Variants in MAK16 observed in about 807,000 individuals in gnomAD.
MAK16 encodes protein MAK16 homolog.
In MAK16, 12 loss-of-function variants were observed where a neutral mutation model predicts 49.9. The ratio of observed to expected loss-of-function variants is 0.24; its 90% CI spans 0.15 to 0.39. MAK16 has a LOEUF of 0.39. Ranked by LOEUF, MAK16 falls within the 10% of genes least tolerant of loss-of-function variation. MAK16 has a pLI of 1.00. For missense variants in MAK16, 292 were observed against 363.7 expected (o/e 0.80, Z 1.60); for synonymous variants, 115 against 126.4 (o/e 0.91, Z 0.60).
Position 33,498,680 on chromosome 8 carries a change from T to TG in MAK16, c.*51_*52insG, listed in dbSNP as rs1808938810. On this transcript the variant is annotated 3_prime_UTR_variant, in exon 10 of 10. Coordinates refer to ENST00000360128, the MANE Select transcript of MAK16 (RefSeq NM_032509.4). ...GACTGAACATGCAGAACTGTTTTTTTTTTTTTTTTATCTTAAACACATACA... is the reference window on the plus strand; with the variant it reads ...GACTGAACATGCAGAACTGTTTTTTTGTTTTTTTTTATCTTAAACACATACA... 6.5e-7 allele frequency: 1 copy of TG among 1,528,050 alleles called. No homozygotes were observed. The highest frequency in any genetic ancestry group is 8.9e-7 in the Non-Finnish European group (1 of 1,125,772). 94.7% of individuals were successfully genotyped at this position (1,528,050 alleles called of 1,614,324 possible).
intron 6 of MAK16, 120 bp from the exon 7 acceptor site, chr8:33,495,422 G>A (rs571053532): frequency 3.7e-6 from 3 of 801,664 alleles, no homozygotes; most frequent in Middle Eastern, 2.4e-4. Flanking sequence ...GCCAGTATTA[G>A]CAAGGAGGGG....
rs1460688251 is a variant in MAK16 at position 33,498,916 on chromosome 8, T to TA, written c.*290dup. The TA allele has an allele frequency of 1.7e-6, 1 of 577,482 alleles. No individual in the cohort carries two copies. 35.8% of individuals were successfully genotyped at this position (577,482 alleles called of 1,614,324 possible). A position where few individuals can be genotyped will look rare whatever the true frequency, so the allele number is the denominator to read the frequency against. The stretch of plus-strand genomic sequence containing the variant: ...TGAATCTGGGATGAGATGACGGATG[T>TA]AAATATTTCTAAATTTTAAATGCTA... On this transcript the variant is annotated 3_prime_UTR_variant, in exon 10 of 10. Coordinates refer to ENST00000360128, the MANE Select transcript of MAK16 (RefSeq NM_032509.4).
Position 33,501,234 on chromosome 8 carries a change from A to G in MAK16, c.*2605A>G, listed in dbSNP as rs377764086. ...TTACAATGTGAAAATACAATGTGAA[A>G]TGTACAATAAATCATATTTATGGAC... is the stretch of plus-strand genomic sequence containing the variant. On this transcript the variant is annotated 3_prime_UTR_variant, in exon 10 of 10. Coordinates refer to ENST00000360128, the MANE Select transcript of MAK16 (RefSeq NM_032509.4). 6.6e-5 allele frequency: 10 copies of G among 152,236 alleles called. No homozygotes were observed. The highest frequency in any genetic ancestry group is 2.4e-4 in the African/African-American group (10 of 41,458). 9.4% of individuals were successfully genotyped at this position (152,236 alleles called of 1,614,324 possible).
intron 8 of MAK16, 32 bp from the exon 9 acceptor site, chr8:33,497,200 T>C: frequency 6.6e-7 from 1 of 1,505,534 alleles, no homozygotes. Flanking sequence ...TCATTATGTA[T>C]TCTGAACCTA....
intron 8 of MAK16, 152 bp from the exon 9 acceptor site, chr8:33,497,080 A>T (rs1480291067): frequency 6.9e-6 from 4 of 579,106 alleles, no homozygotes; most frequent in African/African-American, 5.7e-5. Flanking sequence ...TAAAATTTTT[A>T]AAATTCAGAA....
rs1187433754 is a variant in MAK16 at position 33,497,263 on chromosome 8, G to A, written c.671G>A (p.Gly224Asp). Residue 224 changes from glycine to aspartate, a missense_variant, in exon 9 of 10, where the codon GGT (glycine) becomes GAT (aspartate). Coordinates refer to ENST00000360128, the MANE Select transcript of MAK16 (RefSeq NM_032509.4). ...DVGKREFVED[G>D]EVDESDISDF... is the part of the protein sequence containing the mutation. ...GGGAAAAGAGAATTTGTCGAAGATG[G>A]TGAGGTAGATGAGAGTGACATAAGT... The A allele has an allele frequency of 1.2e-6, 2 of 1,611,750 alleles. No homozygotes were observed. Among genetic ancestry groups the A allele is most frequent in the East Asian group, 2.2e-5 (1 of 44,790 alleles).
chr8:33,495,471 T>C (rs1808842130), intron 6 of MAK16, 71 bp from the exon 7 acceptor site: 1 of 1,300,116 alleles, frequency 7.7e-7, no homozygotes, highest in African/African-American at 1.5e-5. Context: ...AACTTGGTAG[T>C]TTCTTCCATT....
At chr8:33,492,771 C>T (rs1808797592) in intron 6 of MAK16, among the ~76,000 whole-genome samples, 1 of 151,870 alleles carries the variant, frequency 6.6e-6, no homozygotes, top group African/African-American at 2.4e-5. Context: ...GTTCTTATGC[C>T]ATTACTATAG....
chr8:33,496,887 T>C (rs1196347037), intron 8 of MAK16, 146 bp downstream of exon 8: 4 of 631,900 alleles, frequency 6.3e-6, no homozygotes, highest in Non-Finnish European at 1.1e-5. Context: ...CACTGGTTGC[T>C]CTGTTCTTCA....
At chr8:33,495,176 A>C (rs1377745822) in intron 6 of MAK16, among the ~76,000 whole-genome samples, 1 of 148,612 alleles carries the variant, frequency 6.7e-6, no homozygotes, top group Non-Finnish European at 1.5e-5. Flanking sequence ...AATGTAAACG[A>C]ATGAAGATTT....
At chr8:33,491,627 CTTTTT>C (rs554026888) in intron 6 of MAK16, among the ~76,000 whole-genome samples, 1 of 89,888 alleles carries the variant, frequency 1.1e-5, no homozygotes, top group Non-Finnish European at 2.0e-5. Context: ...CTGCCCCCTG[CTTTTT>C]TTTTTTTTTT....
rs1237366848 is a variant in MAK16, at chr8:33,497,352, A to C, written c.705+55A>C. The C allele has an allele frequency of 1.1e-4, 88 of 817,702 alleles. 1 individual carries two copies. Among genetic ancestry groups the C allele is most frequent in the Non-Finnish European group, 1.4e-4 (76 of 555,234 alleles). The allele number at this position is 817,702 out of a possible 1,614,324, so 50.7% of individuals were successfully genotyped here. A position where few individuals can be genotyped will look rare whatever the true frequency, so the allele number is the denominator to read the frequency against. ...TTGGCCTGCAGCAAAAAAAAAAAAA[A>C]AACAAAAACAGGGAGGTGGCCAGGC... On this transcript the variant is annotated intron_variant, in intron 9 of 9. Transcript: ENST00000360128.
chr8:33,488,576 G>A lies in MAK16; in HGVS notation c.122G>A (p.Arg41Gln). 3 of 1,614,038 alleles carry A rather than the reference G, an allele frequency of 1.9e-6. No homozygotes were observed. Among genetic ancestry groups the A allele is most frequent in the African/African-American group, 1.3e-5 (1 of 74,996 alleles). The stretch of plus-strand genomic sequence containing the variant: ...TATAGCCTGACTGGACTGTGTAATC[G>A]GTCATCCTGTCCCCTGGCAAATAGT... ...NEYSLTGLCN[R>Q]SSCPLANSQY... is the part of the protein sequence containing the mutation. Residue 41 changes from arginine (R) to glutamine (Q), a missense_variant, in exon 3 of 10, where the codon CGG becomes CAG. Physicochemically the swap from Arg to Gln is conservative, Grantham distance 43. Coordinates refer to ENST00000360128, the MANE Select transcript of MAK16 (RefSeq NM_032509.4).
rs1487026719 is a variant in MAK16 at position 33,500,390 on chromosome 8, G to A, written c.*1761G>A. 3 of 1,614,144 alleles carry A rather than the reference G, an allele frequency of 1.9e-6. No homozygotes were observed. Among genetic ancestry groups the A allele is most frequent in the Non-Finnish European group, 2.5e-6 (3 of 1,180,018 alleles). Reference sequence around the variant, plus strand: ...AGGCAGTCTGTGGCCTCCTGTAGCAGGGCGCTCTTAACAGACTCAGGTGTA... The same window carrying A: ...AGGCAGTCTGTGGCCTCCTGTAGCAAGGCGCTCTTAACAGACTCAGGTGTA... On this transcript the variant is annotated 3_prime_UTR_variant, in exon 10 of 10. Coordinates refer to ENST00000360128, the MANE Select transcript of MAK16 (RefSeq NM_032509.4).
At position 33,500,739 on chromosome 8, in the gene MAK16, G is replaced by A; in HGVS notation, c.*2110G>A. The A allele has an allele frequency of 2.2e-6, 1 of 448,288 alleles. No individual in the cohort carries two copies. 27.8% of individuals were successfully genotyped at this position (448,288 alleles called of 1,614,324 possible). On this transcript the variant is annotated 3_prime_UTR_variant, in exon 10 of 10. Transcript: ENST00000360128. ...CCACACTGCTCTCTTCCTTCCAGAAGCTTGGTTCTACTGTAAGCAACAGCT... is the reference window on the plus strand; with the variant it reads ...CCACACTGCTCTCTTCCTTCCAGAAACTTGGTTCTACTGTAAGCAACAGCT...
At chr8:33,491,831 A>G (rs1345487193) in intron 6 of MAK16, among the ~76,000 whole-genome samples, 1 of 150,134 alleles carries the variant, frequency 6.7e-6, no homozygotes, top group Non-Finnish European at 1.5e-5. Context: ...ACGAGGCTTC[A>G]CTATGTTGCC....
intron 9 of MAK16, 117 bp downstream of exon 9, chr8:33,497,414 G>T (rs1808887307): frequency 1.5e-6 from 1 of 688,196 alleles, no homozygotes; most frequent in Non-Finnish European, 2.5e-6. Context: ...CACTTTGGGA[G>T]GCCAAAATGG....
At chr8:33,498,351 C>A (rs2128825420) in intron 9 of MAK16, 81 bp from the exon 10 acceptor site, 2 of 1,223,662 alleles carry the variant, frequency 1.6e-6, no homozygotes, top group Non-Finnish European at 2.3e-6. Flanking sequence ...CTAGTCTGTT[C>A]TAGATTGAGG....
Position 33,490,388 on chromosome 8 carries a change from GTC to G in MAK16, c.447+53_447+54del. ...TACCTTCTACATTTTCTTTCTGGGG[GTC>G]TCTTATAGATTCAGTCACCATCATT... On this transcript the variant is annotated intron_variant, in intron 6 of 9. Transcript: ENST00000360128. The G allele has an allele frequency of 2.0e-6, 3 of 1,495,706 alleles. No homozygotes were observed. The South Asian group carries it at 3.4e-5, about 17-fold the overall frequency. 92.7% of individuals were successfully genotyped at this position (1,495,706 alleles called of 1,614,324 possible). A position where few individuals can be genotyped will look rare whatever the true frequency, so the allele number is the denominator to read the frequency against.
Sources: gnomAD v4.1 joint callset for allele counts (sites outside exome capture counted in the v4.1 genomes callset) on GRCh38, gnomAD v4.1.1 for gene constraint, MANE v1.5 for transcripts, NCBI Gene and HGNC (gene_info 2026-07-23, HGNC 2026-07-21) for gene names.